Variants in TNRC6A observed in about 807,000 individuals in gnomAD.
The protein encoded by TNRC6A is trinucleotide repeat containing adaptor 6A.
Under a neutral mutation model 221.2 loss-of-function variants are expected in TNRC6A, and 44 were observed. That is an observed-to-expected ratio of 0.20 (90% CI 0.16 to 0.26). TNRC6A has a LOEUF of 0.26. Ranked by LOEUF, TNRC6A falls within the 10% of genes least tolerant of loss-of-function variation. The pLI is 1.00. For synonymous variants in TNRC6A, 847 were observed against 838.5 expected, an observed-to-expected ratio of 1.01 and a Z score of -0.18; for missense variants, 2,199 against 2,404.4, an observed-to-expected ratio of 0.91 and a Z score of 1.79.
intron 2 of TNRC6A, among the ~76,000 whole-genome samples, chr16:24,719,650 C>A (rs1157657881): frequency 1.3e-5 from 2 of 151,572 alleles, no homozygotes; most frequent in African/African-American, 2.4e-5. Context: ...CAGAATGAGA[C>A]CCTATCTCAA....
chr16:24,778,387 C>T (rs1368079452), intron 5 of TNRC6A: 1 of 984,588 alleles, frequency 1.0e-6, no homozygotes, highest in African/African-American at 1.7e-5. Flanking sequence ...ATCTGTCTGA[C>T]TCCAAAGATA....
At chr16:24,723,221 A>G (rs1387446565) in intron 2 of TNRC6A, among the ~76,000 whole-genome samples, 1 of 152,098 alleles carries the variant, frequency 6.6e-6, no homozygotes, top group Non-Finnish European at 1.5e-5. Context: ...CTCAATAAGT[A>G]ACACTTCACC....
chr16:24,696,062 A>G (rs1273417986), intron 2 of TNRC6A, among the ~76,000 whole-genome samples: 1 of 152,086 alleles, frequency 6.6e-6, no homozygotes, highest in Non-Finnish European at 1.5e-5. Context: ...GGTTGAAAGT[A>G]TGAGGGCCGA....
At chr16:24,613,590 C>T (rs898377138) in intron 1 of TNRC6A, among the ~76,000 whole-genome samples, 4 of 151,208 alleles carry the variant, frequency 2.6e-5, no homozygotes, top group African/African-American at 9.7e-5. Flanking sequence ...TGCAGTTGTT[C>T]GATCTCGGGT....
chr16:24,771,582 T>TTTTATGTTATGTTATGTTATGTTGTTA lies in TNRC6A; in HGVS notation c.164-5350_164-5349insTTATGTTATGTTATGTTATGTTGTTAT. ...ATGTTTTATGTTATGTTATGTTATG[T>TTTTATGTTATGTTATGTTATGTTGTTA]TGTTATGTTATGTTATGTTATGTTA... On this transcript the variant is annotated intron_variant, in intron 4 of 24. Transcript: ENST00000395799. 6.1e-3 allele frequency among the ~76,000 whole-genome samples: 581 copies of TTTTATGTTATGTTATGTTATGTTGTTA among 94,758 alleles called. 12 individuals carry two copies. The highest frequency in any genetic ancestry group is 0.01 in the Middle Eastern group (2 of 192). The allele number at this position is 94,758 out of a possible 152,430, so 62.2% of individuals were successfully genotyped here.
In TNRC6A at chr16:24,815,134, C is replaced by T. The variant is rs780615535; in HGVS notation, c.4673-13C>T. The T allele has an allele frequency of 1.7e-5, 27 of 1,606,634 alleles. No homozygotes were observed. In the Middle Eastern group the frequency reaches 6.6e-4, roughly 39 times the overall value. ...ATTTTGCTCACATTTCTCTATTATT[C>T]TTCCCTTGTTAGGTGCTATTTCAAG... is the stretch of plus-strand genomic sequence containing the variant. On this transcript the variant is annotated splice_polypyrimidine_tract_variant and intron_variant, in intron 18 of 24. Transcript: ENST00000395799.
intron 2 of TNRC6A, among the ~76,000 whole-genome samples, chr16:24,659,898 C>T (rs897213724): frequency 7.9e-5 from 12 of 151,992 alleles, no homozygotes; most frequent in African/African-American, 2.4e-4. Context: ...GCATAGTATT[C>T]GACATAAACT....
chr16:24,760,058 C>T (rs915642756), intron 4 of TNRC6A, among the ~76,000 whole-genome samples: 1 of 152,134 alleles, frequency 6.6e-6, no homozygotes, highest in East Asian at 1.9e-4. Context: ...ATTAATCTAA[C>T]CTCCCTTGAC....
rs749882396 is a variant in TNRC6A at position 24,625,737 on chromosome 16, CAAAAAAA to C, written n.277-15128_277-15122del. 2.5e-3 allele frequency among the ~76,000 whole-genome samples: 61 copies of C among 24,034 alleles called. 1 individual carries two copies. In the South Asian group the frequency reaches 0.031, roughly 12 times the overall value. 15.8% of individuals were successfully genotyped at this position (24,034 alleles called of 152,430 possible). A position where few individuals can be genotyped will look rare whatever the true frequency, so the allele number is the denominator to read the frequency against. On this transcript the variant is annotated intron_variant and non_coding_transcript_variant, in intron 1 of 2. Transcript: ENST00000566108. Reference sequence around the variant, plus strand: ...GACAGAGCGAGACTCCGTCTCAAAACAAAAAAAAAAAAAAAAAAAAAAAAATTAGCTC... The same window carrying C: ...GACAGAGCGAGACTCCGTCTCAAAACAAAAAAAAAAAAAAAAAATTAGCTC...
intron 4 of TNRC6A, among the ~76,000 whole-genome samples, 199 bp downstream of exon 4, chr16:24,758,559 A>G (rs1043036921): frequency 6.6e-6 from 1 of 152,120 alleles, no homozygotes; most frequent in African/African-American, 2.4e-5. Flanking sequence ...TTTAGAGTGC[A>G]CTGCCTCAGA....
chr16:24,793,435 T>G (rs769269638), intron 6 of TNRC6A, 38 bp from the exon 7 acceptor site: 6 of 1,359,822 alleles, frequency 4.4e-6, no homozygotes, highest in African/African-American at 1.5e-5. Context: ...CCTCCTTACC[T>G]TCTATGCTGA....
intron 4 of TNRC6A, among the ~76,000 whole-genome samples, chr16:24,769,702 C>G (rs1003990709): frequency 1.3e-5 from 2 of 152,138 alleles, no homozygotes; most frequent in African/African-American, 4.8e-5. Flanking sequence ...ACTATTGATG[C>G]ATTCAGCAGC....
chr16:24,758,294 A>C, intron 3 of TNRC6A, 45 bp from the exon 4 acceptor site: 1 of 1,561,982 alleles, frequency 6.4e-7, no homozygotes, highest in Non-Finnish European at 8.8e-7. Context: ...CATTTCTTTC[A>C]GTTTCATATT....
intron 2 of TNRC6A, among the ~76,000 whole-genome samples, chr16:24,745,499 T>A (rs2056986176): frequency 6.6e-6 from 1 of 152,210 alleles, no homozygotes; most frequent in African/African-American, 2.4e-5. Flanking sequence ...ATGTAAAGTG[T>A]ATTTTTATTT....
At position 24,765,057 on chromosome 16, in the gene TNRC6A, G is replaced by C. The variant is rs572511852; in HGVS notation, c.163+6697G>C. ...TGACCATGGGGTAAGACTTTGGAAA[G>C]TGAAATCTTGGAAAAGGAGGGGGAC... On this transcript the variant is annotated intron_variant, in intron 4 of 24. Transcript: ENST00000395799. 2.0e-5 allele frequency among the ~76,000 whole-genome samples: 3 copies of C among 152,310 alleles called. No homozygotes were observed. In the East Asian group the frequency reaches 5.8e-4, roughly 29 times the overall value.
intron 2 of TNRC6A, among the ~76,000 whole-genome samples, chr16:24,673,116 A>C (rs2055340303): frequency 6.6e-6 from 1 of 152,124 alleles, no homozygotes; most frequent in African/African-American, 2.4e-5. Flanking sequence ...GATGTGGAAG[A>C]ATTGCTCGAG....
intron 2 of TNRC6A, among the ~76,000 whole-genome samples, chr16:24,677,194 G>T (rs983354282): frequency 7.4e-6 from 1 of 135,768 alleles, no homozygotes; most frequent in Admixed American, 8.5e-5. Context: ...ACAGAGTCTC[G>T]CTCTGTTGCC....
chr16:24,724,951 T>G (rs1286199420), upstream of TNRC6A, among the ~76,000 whole-genome samples: 1 of 152,160 alleles, frequency 6.6e-6, no homozygotes, highest in Admixed American at 6.5e-5. Context: ...TTCCAAAGTA[T>G]TAGGCTCATC....
intron 2 of TNRC6A, among the ~76,000 whole-genome samples, chr16:24,677,604 G>C (rs968826846): frequency 2.6e-5 from 4 of 152,204 alleles, no homozygotes; most frequent in Non-Finnish European, 5.9e-5. Flanking sequence ...GAGTCTCCCT[G>C]TGAAACAGTG....
Sources: gnomAD v4.1 joint callset for allele counts (sites outside exome capture counted in the v4.1 genomes callset) on GRCh38, gnomAD v4.1.1 for gene constraint, MANE v1.5 for transcripts, NCBI Gene and HGNC (gene_info 2026-07-23, HGNC 2026-07-21) for gene names.